Variants in CNTN3 observed in about 807,000 individuals in gnomAD.
The protein encoded by CNTN3 is contactin-3.
In CNTN3, 60 loss-of-function variants were observed where a neutral mutation model predicts 119.1. The observed-to-expected ratio is 0.50, with a 90% CI of 0.41 to 0.62. CNTN3 has a LOEUF of 0.62. CNTN3 is among the 20% of genes least tolerant of loss of function. The probability of loss-of-function intolerance (pLI) is 0.00; values close to 1 mark genes in which losing one functional copy is unlikely to be tolerated. For missense variants in CNTN3, 1,101 were observed against 1,242.4 expected, an observed-to-expected ratio of 0.89 and a Z score of 1.71; for synonymous variants, 450 against 438.7, an observed-to-expected ratio of 1.03 and a Z score of -0.32.
chr3:74,455,601 C>G (rs1021629920), intron 4 of CNTN3, among the ~76,000 whole-genome samples: 1 of 152,050 alleles, frequency 6.6e-6, no homozygotes, highest in African/African-American at 2.4e-5. Flanking sequence ...TCCAGTTTTT[C>G]TGCTCTGTTT....
intron 5 of CNTN3, among the ~76,000 whole-genome samples, chr3:74,390,885 G>C (rs28545635): frequency 0.029 from 4,356 of 152,220 alleles, 200 homozygotes; most frequent in African/African-American, 0.096. Flanking sequence ...AGATATTAAA[G>C]ACATTAAAAA....
intron 4 of CNTN3, among the ~76,000 whole-genome samples, chr3:74,447,715 C>G (rs955968269): frequency 1.3e-5 from 2 of 152,132 alleles, no homozygotes; most frequent in African/African-American, 4.8e-5. Flanking sequence ...CTCTCTCACA[C>G]AGGACAAATG....
At chr3:74,394,875 C>T (rs1012103462) in intron 5 of CNTN3, among the ~76,000 whole-genome samples, 4 of 151,926 alleles carry the variant, frequency 2.6e-5, no homozygotes, top group Admixed American at 2.0e-4. Context: ...AAATGATGTG[C>T]GTGGAAGTGC....
At chr3:74,359,242 A>C (rs560669145) in intron 11 of CNTN3, among the ~76,000 whole-genome samples, 1 of 152,284 alleles carries the variant, frequency 6.6e-6, no homozygotes, top group South Asian at 2.1e-4. Context: ...AAACAAAAAA[A>C]TTCTTTTTCA....
At position 74,437,705 on chromosome 3, in the gene CNTN3, G is replaced by A. The variant is rs116009336; in HGVS notation, c.359-12765C>T. ...AGTGTTTATATATGTGTGTGTGTGT[G>A]TATATATACATATATATAGCCCTAG... On this transcript the variant is annotated intron_variant, in intron 4 of 22. Transcript: ENST00000263665. Among the ~76,000 whole-genome samples the A allele has an allele frequency of 9.6e-3, 1,462 of 152,068 alleles. 17 individuals are homozygous for A. The highest frequency in any genetic ancestry group is 0.029 in the African/African-American group (1,190 of 41,484).
intron 5 of CNTN3, among the ~76,000 whole-genome samples, chr3:74,404,376 T>C (rs951091486): frequency 7.2e-5 from 11 of 152,122 alleles, no homozygotes; most frequent in African/African-American, 1.4e-4. Flanking sequence ...GAAAGGAAGA[T>C]AGTTGTTAAA....
rs541075179 is a variant in CNTN3, at chr3:74,481,317, T to A, written c.358+5139A>T. Among the ~76,000 whole-genome samples the A allele has an allele frequency of 3.9e-5, 6 of 151,954 alleles. No individual in the cohort carries two copies. The South Asian group carries it at 1.2e-3, about 31-fold the overall frequency. ...GAGAATATCCATTTTTTTAAGGACA[T>A]ATGAATCATTTATTAAAAAAACTAA... On this transcript the variant is annotated intron_variant, in intron 4 of 22. Coordinates refer to ENST00000263665, the MANE Select transcript of CNTN3 (RefSeq NM_020872.3).
chr3:74,321,506 G>T (rs1273657184), intron 13 of CNTN3, among the ~76,000 whole-genome samples: 3 of 151,798 alleles, frequency 2.0e-5, no homozygotes, highest in Admixed American at 2.0e-4. Context: ...CAGAAAACTG[G>T]AAAAATAGAG....
At chr3:74,580,517 A>G (rs1461168393) in intron 1 of CNTN3, among the ~76,000 whole-genome samples, 1 of 152,208 alleles carries the variant, frequency 6.6e-6, no homozygotes, top group Non-Finnish European at 1.5e-5. Flanking sequence ...TAAAAATATT[A>G]CCAAATCAAA....
chr3:74,472,516 A>AT (rs2107005470), intron 4 of CNTN3, among the ~76,000 whole-genome samples: 1 of 152,306 alleles, frequency 6.6e-6, no homozygotes, highest in East Asian at 1.9e-4. Flanking sequence ...AAACTAAAAG[A>AT]TTTTATGATT....
At chr3:74,573,468 T>C (rs531360047) in intron 1 of CNTN3, among the ~76,000 whole-genome samples, 1 of 152,142 alleles carries the variant, frequency 6.6e-6, no homozygotes, top group African/African-American at 2.4e-5. Flanking sequence ...TAAAAACTTT[T>C]GTGTTGCAAA....
At chr3:74,379,680 T>C (rs1704567992) in intron 5 of CNTN3, among the ~76,000 whole-genome samples, 1 of 152,134 alleles carries the variant, frequency 6.6e-6, no homozygotes. Flanking sequence ...GTTCTTTCGG[T>C]GGGACTGACT....
intron 2 of CNTN3, among the ~76,000 whole-genome samples, chr3:74,502,520 C>A (rs79554648): frequency 6.6e-6 from 1 of 152,094 alleles, no homozygotes; most frequent in Non-Finnish European, 1.5e-5. Context: ...AACCAGGCAC[C>A]ATGAACTATG....
At chr3:74,390,766 C>G (rs1323823767) in intron 5 of CNTN3, among the ~76,000 whole-genome samples, 2 of 152,118 alleles carry the variant, frequency 1.3e-5, no homozygotes, top group African/African-American at 4.8e-5. Flanking sequence ...ACAAATTACA[C>G]CATTATAAAC....
At chr3:74,288,154 C>CT (rs1299127961) in intron 19 of CNTN3, among the ~76,000 whole-genome samples, 57 of 88,266 alleles carry the variant, frequency 6.5e-4, no homozygotes, top group South Asian at 1.6e-3. Flanking sequence ...CTTTTCTTTT[C>CT]TTTTCTTTTT....
chr3:74,540,014 A>G (rs552904778), intron 1 of CNTN3, among the ~76,000 whole-genome samples: 1 of 152,258 alleles, frequency 6.6e-6, no homozygotes, highest in South Asian at 2.1e-4. Context: ...CTTGCCTTCT[A>G]CAAGGTTACC....
intron 4 of CNTN3, among the ~76,000 whole-genome samples, chr3:74,467,976 T>C (rs1367062973): frequency 6.6e-6 from 1 of 152,186 alleles, no homozygotes; most frequent in Non-Finnish European, 1.5e-5. Context: ...TCTATTGCAA[T>C]GGCATTATAT....
intron 11 of CNTN3, among the ~76,000 whole-genome samples, chr3:74,352,860 G>T (rs2106751934): frequency 6.6e-6 from 1 of 152,258 alleles, no homozygotes; most frequent in East Asian, 1.9e-4. Context: ...CGTATCTGAG[G>T]GTAGATTCAC....
intron 1 of CNTN3, among the ~76,000 whole-genome samples, chr3:74,594,191 C>T (rs1704752192): frequency 2.0e-5 from 3 of 150,776 alleles, no homozygotes; most frequent in Admixed American, 1.3e-4. Flanking sequence ...GAGTTGTTTG[C>T]TAATGGACAA....
Sources: gnomAD v4.1 joint callset for allele counts (sites outside exome capture counted in the v4.1 genomes callset) on GRCh38, gnomAD v4.1.1 for gene constraint, MANE v1.5 for transcripts, NCBI Gene and HGNC (gene_info 2026-07-23, HGNC 2026-07-21) for gene names.